The following TPD52L1 variants were observed in gnomAD, a reference collection of about 807,000 sequenced individuals.
TPD52L1 encodes the protein TPD52 like 1.
A neutral mutation model predicts 28.7 loss-of-function variants in TPD52L1; 18 were observed. The observed-to-expected ratio is 0.63, with a 90% confidence interval of 0.43 to 0.93. The LOEUF (loss-of-function observed/expected upper bound fraction) is 0.93, where lower values mean the gene tolerates loss of function less well. Among genes scored for constraint, TPD52L1 ranks in the 40% least tolerant of loss-of-function variants. TPD52L1 has a pLI of 0.00. For missense variants in TPD52L1, 203 were observed against 254.8 expected, an observed-to-expected ratio of 0.80 and a Z score of 1.39; for synonymous variants, 75 against 88.8, an observed-to-expected ratio of 0.84 and a Z score of 0.88.
At chr6:125,199,492 C>T (rs904790852) in intron 1 of TPD52L1, among the ~76,000 whole-genome samples, 2 of 152,128 alleles carry the variant, frequency 1.3e-5, no homozygotes, top group African/African-American at 4.8e-5. Flanking sequence ...TCAAGACCAG[C>T]CTGACCAACA....
chr6:125,190,386 G>A (rs964862316), intron 1 of TPD52L1, among the ~76,000 whole-genome samples: 1 of 151,924 alleles, frequency 6.6e-6, no homozygotes, highest in Non-Finnish European at 1.5e-5. Context: ...AACTGATAAC[G>A]GGAACCCATG....
chr6:125,224,606 T>C (rs1195776262), intron 2 of TPD52L1, among the ~76,000 whole-genome samples: 1 of 152,138 alleles, frequency 6.6e-6, no homozygotes. Context: ...GTATCTGCAT[T>C]TTAATCTTGG....
chr6:125,157,705 T>A (rs62432184), intron 1 of TPD52L1, among the ~76,000 whole-genome samples: 3,898 of 152,310 alleles, frequency 0.026, 85 homozygotes, highest in Middle Eastern at 0.055. Context: ...GGAAATAACT[T>A]TGTTGTTTTC....
At chr6:125,209,263 C>G (rs866661841) in intron 1 of TPD52L1, among the ~76,000 whole-genome samples, 4 of 152,220 alleles carry the variant, frequency 2.6e-5, no homozygotes, top group Non-Finnish European at 5.9e-5. Context: ...TTGAACCCAG[C>G]CTCAAACATT....
chr6:125,192,212 C>T (rs575356136), intron 1 of TPD52L1, among the ~76,000 whole-genome samples: 1 of 152,266 alleles, frequency 6.6e-6, no homozygotes, highest in Non-Finnish European at 1.5e-5. Flanking sequence ...TTGTCACCCA[C>T]TCTGCTTTTA....
At chr6:125,162,370 G>T (rs1790576594) in intron 1 of TPD52L1, among the ~76,000 whole-genome samples, 1 of 151,980 alleles carries the variant, frequency 6.6e-6, no homozygotes, top group Non-Finnish European at 1.5e-5. Flanking sequence ...TAATTATCTG[G>T]GTAGGCAGAA....
At chr6:125,230,880 C>T (rs1795909359) in intron 3 of TPD52L1, among the ~76,000 whole-genome samples, 1 of 152,166 alleles carries the variant, frequency 6.6e-6, no homozygotes, top group African/African-American at 2.4e-5. Context: ...CAACATTCCC[C>T]AACCTAATGA....
At chr6:125,168,759 G>A (rs920801198) in intron 1 of TPD52L1, among the ~76,000 whole-genome samples, 7 of 151,932 alleles carry the variant, frequency 4.6e-5, no homozygotes, top group Admixed American at 2.0e-4. Context: ...CTCATGATCC[G>A]CCCACCTCGG....
At chr6:125,182,744 A>G (rs1336839533) in intron 1 of TPD52L1, among the ~76,000 whole-genome samples, 1 of 152,196 alleles carries the variant, frequency 6.6e-6, no homozygotes, top group Non-Finnish European at 1.5e-5. Flanking sequence ...TACAGGATCG[A>G]TTCCATTTAA....
chr6:125,255,367 A>G (rs1797534171), intron 5 of TPD52L1, among the ~76,000 whole-genome samples: 1 of 152,272 alleles, frequency 6.6e-6, no homozygotes, highest in Non-Finnish European at 1.5e-5. Context: ...ATGGAAATGA[A>G]GTGCCAATAA....
rs1797580152 is a variant in TPD52L1 at position 125,256,096 on chromosome 6, C to T, written c.426-1002C>T. Among the ~76,000 whole-genome samples, 3 of 152,234 alleles carry T rather than the reference C, an allele frequency of 2.0e-5. No homozygotes were observed. In the South Asian group the frequency reaches 6.2e-4, roughly 32 times the overall value. Reference sequence around the variant, plus strand: ...AGGCACGGTGGCTCACGCCTGTAATCCCAGCACTTTTGGAGGCCGAGGCAG... The same window carrying T: ...AGGCACGGTGGCTCACGCCTGTAATTCCAGCACTTTTGGAGGCCGAGGCAG... On this transcript the variant is annotated intron_variant, in intron 5 of 6. Coordinates refer to ENST00000534000, the MANE Select transcript of TPD52L1 (RefSeq NM_003287.4).
chr6:125,154,323 C>G (rs2114715489), intron 1 of TPD52L1: 1 of 1,101,592 alleles, frequency 9.1e-7, no homozygotes, highest in African/African-American at 1.6e-5. Flanking sequence ...GTTTCGCTCC[C>G]TTTCCCTTGA....
intron 1 of TPD52L1, among the ~76,000 whole-genome samples, chr6:125,168,870 A>G (rs1582844315): frequency 6.6e-6 from 1 of 152,184 alleles, no homozygotes; most frequent in Non-Finnish European, 1.5e-5. Context: ...TTTATGTAGT[A>G]GGACCTGTTA....
chr6:125,187,923 CTG>C (rs1448081282), intron 1 of TPD52L1, among the ~76,000 whole-genome samples: 1 of 146,414 alleles, frequency 6.8e-6, no homozygotes, highest in Non-Finnish European at 1.5e-5. Flanking sequence ...GGAAACTAAA[CTG>C]AGATTTTTTT....
intron 4 of TPD52L1, among the ~76,000 whole-genome samples, chr6:125,250,184 A>G (rs1360737896): frequency 6.6e-6 from 1 of 152,162 alleles, no homozygotes; most frequent in East Asian, 1.9e-4. Context: ...AACCCTGGGA[A>G]CTCCAGCATG....
In TPD52L1 at chr6:125,220,118, T is replaced by C; in HGVS notation, c.60T>C (p.Asp20=). Residue 20 remains aspartate, a synonymous_variant, in exon 2 of 7, where the codon GAT becomes GAC. Transcript: ENST00000534000. Reference sequence around the variant, plus strand: ...AACCGTTGCAAGGAACAGACGAAGATGCAGTAGCCAGTGCTGACTTCTCTA... The same window carrying C: ...AACCGTTGCAAGGAACAGACGAAGACGCAGTAGCCAGTGCTGACTTCTCTA... ...ETEPLQGTDE[D]AVASADFSSM... 6.2e-7 allele frequency: 1 copy of C among 1,613,920 alleles called. No homozygotes were observed. Among genetic ancestry groups the C allele is most frequent in the Non-Finnish European group, 8.5e-7 (1 of 1,179,840 alleles).
intron 1 of TPD52L1, among the ~76,000 whole-genome samples, chr6:125,167,365 T>G (rs1685329045): frequency 6.6e-6 from 1 of 152,190 alleles, no homozygotes; most frequent in Non-Finnish European, 1.5e-5. Flanking sequence ...ACCCAATATA[T>G]GAAGGGCATT....
At chr6:125,216,838 A>G (rs1172456780) in intron 1 of TPD52L1, among the ~76,000 whole-genome samples, 2 of 152,056 alleles carry the variant, frequency 1.3e-5, no homozygotes, top group African/African-American at 4.8e-5. Flanking sequence ...TGGCAGTGAC[A>G]TCAGGGTGCC....
chr6:125,160,710 G>A (rs906764844), intron 1 of TPD52L1, among the ~76,000 whole-genome samples: 1 of 152,084 alleles, frequency 6.6e-6, no homozygotes, highest in African/African-American at 2.4e-5. Context: ...CCAGTGTAAG[G>A]CTGTTTCATC....
Sources: allele counts gnomAD v4.1 joint callset (sites outside exome capture counted in the v4.1 genomes callset), GRCh38; gene constraint gnomAD v4.1.1; transcripts MANE v1.5; gene names NCBI Gene and HGNC (gene_info 2026-07-23, HGNC 2026-07-21).